KLB: variants seen among roughly 807,000 people sequenced by gnomAD.
KLB encodes klotho beta.
A neutral mutation model predicts 88.4 loss-of-function variants in KLB; 44 were observed. The ratio of observed to expected loss-of-function variants is 0.50; its 90% CI spans 0.39 to 0.64. KLB has a LOEUF of 0.64. KLB is among the 30% of genes least tolerant of loss of function. The probability of loss-of-function intolerance (pLI) is 0.00; values close to 1 mark genes in which losing one functional copy is unlikely to be tolerated. For synonymous variants in KLB, 548 were observed against 513.4 expected (o/e 1.07, Z -0.91); for missense variants, 1,137 against 1,304.8 (o/e 0.87, Z 1.98).
chr4:39,444,379 CTT>C (rs988058108), intron 3 of KLB, among the ~76,000 whole-genome samples: 56 of 152,182 alleles, frequency 3.7e-4, no homozygotes, highest in African/African-American at 1.2e-3. Flanking sequence ...CTGTTTCTGT[CTT>C]TTCCACATTT....
chr4:39,434,389 T>A lies in KLB; in HGVS notation c.1005T>A (p.His335Gln), dbSNP rs778732384. The part of the protein sequence containing the change: ...SVLGWFANPI[H>Q]GDGDYPEGMR... ...TTGGATGGTTTGCCAACCCTATCCATGGGGATGGCGACTATCCAGAGGGGA... is the reference window on the plus strand; with the variant it reads ...TTGGATGGTTTGCCAACCCTATCCAAGGGGATGGCGACTATCCAGAGGGGA... The change falls in exon 2 of 5, where the codon CAT (histidine) becomes CAA (glutamine). Residue 335 changes from histidine (H) to glutamine (Q), a missense_variant. By Grantham distance (24) the His-to-Gln change is conservative (BLOSUM62 0). This residue lies in a region of KLB where 597 missense variants were observed against 765.2 expected (regional missense o/e 0.78). Coordinates refer to ENST00000257408, the MANE Select transcript of KLB (RefSeq NM_175737.4). 6.2e-7 allele frequency: 1 copy of A among 1,614,020 alleles called. No individual in the cohort carries two copies. The highest frequency in any genetic ancestry group is 1.3e-5 in the African/African-American group (1 of 74,906).
Position 39,447,073 on chromosome 4 carries a change from C to T in KLB, c.2347C>T (p.Pro783Ser). ...AEPLFKTGDY[P>S]AAMREYIASK... Reference sequence around the variant, plus strand: ...GCCGCTCTTCAAGACCGGGGACTACCCCGCGGCCATGAGGGAATACATTGC... The same window carrying T: ...GCCGCTCTTCAAGACCGGGGACTACTCCGCGGCCATGAGGGAATACATTGC... Residue 783 changes from proline (P) to serine (S), a missense_variant, in exon 4 of 5, where the codon CCC becomes TCC. By Grantham distance (74) the Pro-to-Ser change is moderately conservative. Coordinates refer to ENST00000257408, the MANE Select transcript of KLB (RefSeq NM_175737.4). The T allele has an allele frequency of 6.2e-7, 1 of 1,612,962 alleles. No homozygotes were observed. Among genetic ancestry groups the T allele is most frequent in the Non-Finnish European group, 8.5e-7 (1 of 1,179,960 alleles).
rs1344903419 is a variant in KLB at position 39,450,853 on chromosome 4, G to A, written c.*2167G>A. 9 of 107,758 alleles carry A rather than the reference G, an allele frequency of 8.4e-5. No individual in the cohort carries two copies. Among genetic ancestry groups the A allele is most frequent in the African/African-American group, 2.8e-4 (9 of 32,178 alleles). 6.7% of individuals were successfully genotyped at this position (107,758 alleles called of 1,614,324 possible). A position where few individuals can be genotyped will look rare whatever the true frequency, so the allele number is the denominator to read the frequency against. On this transcript the variant is annotated 3_prime_UTR_variant, in exon 5 of 5. Transcript: ENST00000257408. The stretch of plus-strand genomic sequence containing the variant: ...CTCATTAACCTCTCTTTAACATCAA[G>A]GGCTTGGGAAAAAAAAAAAAAAGGT...
At chr4:39,440,094 A>G (rs1406643283) in intron 3 of KLB, among the ~76,000 whole-genome samples, 1 of 151,832 alleles carries the variant, frequency 6.6e-6, no homozygotes, top group East Asian at 1.9e-4. Context: ...GTGAGCCACC[A>G]TGCCCGCTTT....
At chr4:39,419,727 G>C (rs1034530571) in intron 1 of KLB, among the ~76,000 whole-genome samples, 8 of 144,560 alleles carry the variant, frequency 5.5e-5, no homozygotes, top group African/African-American at 2.1e-4. Flanking sequence ...AGTGAGCCAA[G>C]ATCGCACCAC....
Position 39,406,934 on chromosome 4 carries a change from C to T in KLB, c.-16C>T, listed in dbSNP as rs1466989944. On this transcript the variant is annotated 5_prime_UTR_variant, in exon 1 of 5. Coordinates refer to ENST00000257408, the MANE Select transcript of KLB (RefSeq NM_175737.4). ...TTACTGAAGCTTTGATAAGACAGTC[C>T]AGCAGTTGGTGGCAAATGAAGCCAG... The T allele has an allele frequency of 2.5e-6, 4 of 1,583,524 alleles. No individual in the cohort carries two copies. Among genetic ancestry groups the T allele is most frequent in the Non-Finnish European group, 3.5e-6 (4 of 1,159,110 alleles).
chr4:39,409,726 G>T (rs1436369703), intron 1 of KLB, among the ~76,000 whole-genome samples: 1 of 150,844 alleles, frequency 6.6e-6, no homozygotes, highest in East Asian at 2.0e-4. Context: ...AGGAGTTTGA[G>T]ACCAGCCTCG....
Position 39,434,657 on chromosome 4 carries a change from G to A in KLB, c.1273G>A (p.Val425Met), listed in dbSNP as rs1347566543. 6.2e-7 allele frequency: 1 copy of A among 1,613,946 alleles called. No homozygotes were observed. Among genetic ancestry groups the A allele is most frequent in the Non-Finnish European group, 8.5e-7 (1 of 1,179,928 alleles). The stretch of plus-strand genomic sequence containing the variant: ...GAATGGCTGGTTCACAGACAGTCGT[G>A]TGAAAACAGAAGACACCACGGCCAT... ...AENGWFTDSRVKTEDTTAIYM... is the reference protein window; with the variant it reads ...AENGWFTDSRMKTEDTTAIYM... Residue 425 changes from valine (V) to methionine (M), a missense_variant, in exon 2 of 5, where the codon GTG becomes ATG. Physicochemically the swap from Val to Met is conservative, Grantham distance 21. This residue lies in a region of KLB where 597 missense variants were observed against 765.2 expected (regional missense o/e 0.78). Transcript: ENST00000257408.
At chr4:39,413,151 A>G (rs970235298) in intron 1 of KLB, among the ~76,000 whole-genome samples, 14 of 152,124 alleles carry the variant, frequency 9.2e-5, no homozygotes, top group Non-Finnish European at 1.9e-4. Flanking sequence ...TTTGTAGAGG[A>G]AAGATTTCTC....
chr4:39,419,714 T>A (rs1217999108), intron 1 of KLB, among the ~76,000 whole-genome samples: 1 of 148,230 alleles, frequency 6.7e-6, no homozygotes, highest in Non-Finnish European at 1.5e-5. Context: ...AGGCGGAGGT[T>A]GCAGTGAGCC....
At chr4:39,430,931 C>T (rs1223873510) in intron 1 of KLB, among the ~76,000 whole-genome samples, 5 of 144,330 alleles carry the variant, frequency 3.5e-5, no homozygotes, top group African/African-American at 1.0e-4. Context: ...TTTTTTTTTC[C>T]CCTGAGTCAG....
At chr4:39,427,482 CAA>C (rs35351344) in intron 1 of KLB, among the ~76,000 whole-genome samples, 57,862 of 117,776 alleles carry the variant, frequency 0.49, 12,040 homozygotes, top group South Asian at 0.58. Flanking sequence ...GACTCTGTCT[CAA>C]AAAAAAAAAA....
chr4:39,441,872 T>C (rs985163616), intron 3 of KLB: 2 of 152,124 alleles, frequency 1.3e-5, no homozygotes, highest in Admixed American at 1.3e-4. Flanking sequence ...TAAATATATG[T>C]ATAGACACTG....
At chr4:39,443,441 A>C (rs1171367011) in intron 3 of KLB, among the ~76,000 whole-genome samples, 1 of 152,022 alleles carries the variant, frequency 6.6e-6, no homozygotes, top group African/African-American at 2.4e-5. Flanking sequence ...TTCCATTTTT[A>C]ATTAAGAAGT....
intron 1 of KLB, among the ~76,000 whole-genome samples, chr4:39,422,364 G>A (rs760259583): frequency 6.6e-6 from 1 of 152,092 alleles, no homozygotes; most frequent in Non-Finnish European, 1.5e-5. Context: ...TGACCTCTGA[G>A]GTCCACACTC....
chr4:39,438,594 T>C (rs185105580), intron 3 of KLB, among the ~76,000 whole-genome samples: 26 of 152,338 alleles, frequency 1.7e-4, no homozygotes, highest in Non-Finnish European at 2.9e-4. Context: ...ACATACTATG[T>C]GCTTTCCACA....
intron 1 of KLB, among the ~76,000 whole-genome samples, chr4:39,417,702 T>A (rs13147477): frequency 6.6e-6 from 1 of 152,242 alleles, no homozygotes; most frequent in East Asian, 1.9e-4. Flanking sequence ...TCTATCATAT[T>A]CTTTTAAATT....
intron 1 of KLB, among the ~76,000 whole-genome samples, chr4:39,424,712 A>G (rs1743163317): frequency 6.8e-6 from 1 of 147,258 alleles, no homozygotes; most frequent in Non-Finnish European, 1.5e-5. Context: ...GCTCACTGCA[A>G]CCTTTGCATC....
chr4:39,447,168 C>T lies in KLB; in HGVS notation c.2442C>T (p.Leu814=), dbSNP rs1299093477. ...TCACCGAGGCCGAAAGGAGGCTGCT[C>T]AAGGGCACGGTCGACTTCTGCGCGC... ...PRLTEAERRL[L]KGTVDFCALN... The change falls in exon 4 of 5, where the codon CTC becomes CTT. Residue 814 remains leucine (L), a synonymous_variant. Transcript: ENST00000257408. The T allele has an allele frequency of 6.2e-7, 1 of 1,613,872 alleles. No individual in the cohort carries two copies. The highest frequency in any genetic ancestry group is 8.5e-7 in the Non-Finnish European group (1 of 1,180,038).
Sources: gnomAD v4.1 joint callset for allele counts (sites outside exome capture counted in the v4.1 genomes callset) on GRCh38, gnomAD v4.1.1 for gene constraint, gnomAD v4.1.1 regional missense constraint, MANE v1.5 for transcripts, NCBI Gene and HGNC (gene_info 2026-07-23, HGNC 2026-07-21) for gene names.